The following SEC23A variants were observed in gnomAD, a reference collection of about 807,000 sequenced individuals.
The protein encoded by SEC23A is protein transport protein Sec23A.
In SEC23A, 56 loss-of-function variants were observed where a neutral mutation model predicts 103.7. The observed-to-expected ratio is 0.54, with a 90% CI of 0.44 to 0.67. The LOEUF (loss-of-function observed/expected upper bound fraction) is 0.67. Among genes scored for constraint, SEC23A ranks in the 30% least tolerant of loss-of-function variants. SEC23A has a pLI of 0.00. For synonymous variants in SEC23A, 281 were observed against 293.0 expected (o/e 0.96, Z 0.42); for missense variants, 784 against 936.4 (o/e 0.84, Z 2.12).
chr14:39,071,843 G>A (rs1886850138), intron 9 of SEC23A, among the ~76,000 whole-genome samples: 2 of 152,148 alleles, frequency 1.3e-5, no homozygotes, highest in African/African-American at 4.8e-5. Context: ...CAGCCTGGGT[G>A]ACAGAGCGAC....
chr14:39,083,563 C>CTTGTTTTTTTT (rs1887308189), intron 7 of SEC23A, among the ~76,000 whole-genome samples: 1 of 91,810 alleles, frequency 1.1e-5, no homozygotes, highest in African/African-American at 4.1e-5. Context: ...AATAAACTTT[C>CTTGTTTTTTTT]TTTTTTTTTT....
chr14:39,050,808 GAAGAAAGAAAGA>G (rs3064945), intron 14 of SEC23A, among the ~76,000 whole-genome samples: 1 of 150,610 alleles, frequency 6.6e-6, no homozygotes, highest in African/African-American at 2.4e-5. Flanking sequence ...GGAAAGAAAG[GAAGAAAGAAAGA>G]AAGAAAGAAA....
Position 39,032,745 on chromosome 14 carries a change from C to A in SEC23A, c.*494G>T, listed in dbSNP as rs1400339167. 6.5e-6 allele frequency: 1 copy of A among 153,084 alleles called. No individual in the cohort carries two copies. The highest frequency in any genetic ancestry group is 1.5e-5 in the Non-Finnish European group (1 of 68,464). 9.5% of individuals were successfully genotyped at this position (153,084 alleles called of 1,614,324 possible). ...AATCATAAAAATAAATCTGCCTTAA[C>A]CTAGTAAGTACAGAAAAAGTGTATA... On this transcript the variant is annotated 3_prime_UTR_variant, in exon 20 of 20. Transcript: ENST00000307712.
chr14:39,082,611 T>TTTATTAA (rs1382388507), intron 7 of SEC23A, among the ~76,000 whole-genome samples: 1 of 151,632 alleles, frequency 6.6e-6, no homozygotes, highest in East Asian at 1.9e-4. Context: ...TTTTGCAATG[T>TTTATTAA]TTATTAATTA....
At chr14:39,040,397 C>T (rs1566479859) in intron 18 of SEC23A, 3 of 228,374 alleles carry the variant, frequency 1.3e-5, no homozygotes, top group South Asian at 8.7e-5. Flanking sequence ...AGTAAATAAA[C>T]GGCTTTAAGA....
intron 13 of SEC23A, among the ~76,000 whole-genome samples, chr14:39,061,477 T>C (rs1472793737): frequency 6.6e-6 from 1 of 152,112 alleles, no homozygotes; most frequent in Non-Finnish European, 1.5e-5. Context: ...TATATTATTA[T>C]TGACTATTAT....
chr14:39,041,941 G>A (rs1000640945), intron 17 of SEC23A, among the ~76,000 whole-genome samples: 1 of 150,966 alleles, frequency 6.6e-6, no homozygotes, highest in African/African-American at 2.4e-5. Context: ...TACTATTACA[G>A]TACAAATCTT....
intron 1 of SEC23A, among the ~76,000 whole-genome samples, chr14:39,098,665 T>G (rs893357269): frequency 6.6e-6 from 1 of 151,374 alleles, no homozygotes; most frequent in African/African-American, 2.4e-5. Context: ...TCCCAGCTAC[T>G]CAGGAGGCTA....
In SEC23A at chr14:39,091,670, G is replaced by GT. The variant is rs1887668871; in HGVS notation, c.409dup (p.Thr137AsnfsTer6). On this transcript the variant is annotated frameshift_variant, in exon 5 of 20. Coordinates refer to ENST00000307712, the MANE Select transcript of SEC23A (RefSeq NM_006364.4). LOFTEE classifies it high-confidence loss of function. ...TTGTAAATCTTCATCTTCCATGCAAGTATCAACCACATAGAGGAATATCAA... is the reference window on the plus strand; with the variant it reads ...TTGTAAATCTTCATCTTCCATGCAAGTTATCAACCACATAGAGGAATATCAA... 6.2e-7 allele frequency: 1 copy of GT among 1,613,952 alleles called. No individual in the cohort carries two copies. Among genetic ancestry groups the GT allele is most frequent in the East Asian group, 2.2e-5 (1 of 44,836 alleles).
At chr14:39,043,783 C>CT (rs1885733660) in intron 16 of SEC23A, among the ~76,000 whole-genome samples, 2 of 152,152 alleles carry the variant, frequency 1.3e-5, no homozygotes, top group African/African-American at 2.4e-5. Context: ...TTTTCAAGGG[C>CT]TGAGTACTAG....
rs35224434 is a variant in SEC23A, at chr14:39,093,494, T to C, written c.222-250A>G. 0.23 allele frequency among the ~76,000 whole-genome samples: 35,152 copies of C among 152,174 alleles called. 4,520 individuals are homozygous for C. Among genetic ancestry groups the C allele is most frequent in the Middle Eastern group, 0.38 (112 of 294 alleles). On this transcript the variant is annotated intron_variant, in intron 2 of 19. Transcript: ENST00000307712. Reference sequence around the variant, plus strand: ...GTAAATATTGGCTGGGTGCAGTAGGTCACGCCTGTAATCTCAGCACTTTGG... The same window carrying C: ...GTAAATATTGGCTGGGTGCAGTAGGCCACGCCTGTAATCTCAGCACTTTGG...
At chr14:39,102,613 T>TTA (rs1228058701) in intron 1 of SEC23A, among the ~76,000 whole-genome samples, 1 of 152,182 alleles carries the variant, frequency 6.6e-6, no homozygotes, top group East Asian at 1.9e-4. Context: ...TTTAACCCCT[T>TTA]TAACTTCCAA....
chr14:39,062,303 T>C (rs577456955), intron 12 of SEC23A, among the ~76,000 whole-genome samples: 36 of 152,240 alleles, frequency 2.4e-4, no homozygotes, highest in Non-Finnish European at 3.7e-4. Flanking sequence ...CTTATACCAA[T>C]TGAAGATCCC....
At chr14:39,088,676 T>A (rs891005279) in intron 5 of SEC23A, 1 of 151,486 alleles carries the variant, frequency 6.6e-6, no homozygotes, top group Non-Finnish European at 1.5e-5. Context: ...GAGGTTGCAG[T>A]GAGCTGAGAT....
intron 18 of SEC23A, 133 bp downstream of exon 18, chr14:39,040,599 A>T: frequency 1.7e-6 from 2 of 1,150,280 alleles, no homozygotes; most frequent in Non-Finnish European, 2.6e-6. Context: ...GTAAGCACTG[A>T]TACCTTCCCC....
chr14:39,092,898 CTGTT>C, intron 3 of SEC23A: 1 of 497,226 alleles, frequency 2.0e-6, no homozygotes, highest in Middle Eastern at 5.6e-4. Context: ...GAGTCTTGCT[CTGTT>C]GCCCAGGCTG....
intron 1 of SEC23A, among the ~76,000 whole-genome samples, chr14:39,096,371 A>G (rs978478853): frequency 2.0e-5 from 3 of 152,120 alleles, no homozygotes; most frequent in African/African-American, 7.2e-5. Context: ...TCTCTACTAA[A>G]AATACAAAAT....
chr14:39,086,869 G>T (rs569634147), intron 6 of SEC23A, 60 bp downstream of exon 6: 102 of 951,796 alleles, frequency 1.1e-4, no homozygotes, highest in African/African-American at 1.0e-3. Flanking sequence ...TATGTTCAAG[G>T]GTATGGAATG....
At chr14:39,082,910 A>C (rs1334089875) in intron 7 of SEC23A, among the ~76,000 whole-genome samples, 1 of 152,226 alleles carries the variant, frequency 6.6e-6, no homozygotes, top group Non-Finnish European at 1.5e-5. Context: ...CTGTTCCAGG[A>C]TGAAGGAGGG....
Sources: allele counts gnomAD v4.1 joint callset (sites outside exome capture counted in the v4.1 genomes callset), GRCh38; gene constraint gnomAD v4.1.1; transcripts MANE v1.5; gene names NCBI Gene and HGNC (gene_info 2026-07-23, HGNC 2026-07-21).